TLR10: variants seen among roughly 807,000 people sequenced by gnomAD.
TLR10 encodes the protein toll like receptor 10.
For missense variants in TLR10, 929 were observed against 932.9 expected (o/e 1.00, Z 0.05); for synonymous variants, 288 against 338.8 (o/e 0.85, Z 1.65).
rs1485854576 is a variant in TLR10, at chr4:38,772,612, A to G, written c.*543T>C. 1 of 129,574 alleles carries G rather than the reference A, an allele frequency of 7.7e-6. No individual in the cohort carries two copies. The highest frequency in any genetic ancestry group is 7.9e-5 in the Admixed American group (1 of 12,724). 8.0% of individuals were successfully genotyped at this position (129,574 alleles called of 1,614,324 possible). ...TTTTGTGGCCATGAGGATGTTTTCCATTTTTTTCTTTTTTTTTTTTCTTTT... is the reference window on the plus strand; with the variant it reads ...TTTTGTGGCCATGAGGATGTTTTCCGTTTTTTTCTTTTTTTTTTTTCTTTT... On this transcript the variant is annotated 3_prime_UTR_variant, in exon 4 of 4. Coordinates refer to ENST00000308973, the MANE Select transcript of TLR10 (RefSeq NM_030956.4).
intron 1 of TLR10, among the ~76,000 whole-genome samples, chr4:38,782,385 T>C (rs977474876): frequency 1.3e-5 from 2 of 152,212 alleles, no homozygotes; most frequent in African/African-American, 4.8e-5. Flanking sequence ...AACCAAATGC[T>C]CACAGGTTGT....
chr4:38,773,660 T>A lies in TLR10; in HGVS notation c.1931A>T (p.Asp644Val), dbSNP rs777755158. 1.6e-5 allele frequency: 26 copies of A among 1,610,094 alleles called. No individual in the cohort carries two copies. In the Admixed American group the frequency reaches 3.5e-4, roughly 22 times the overall value. Residue 644 changes from aspartate (D) to valine (V), a missense_variant, in exon 4 of 4, where the codon GAT becomes GTT. Transcript: ENST00000308973. ...CAATTCATTCTTCACCCACAGAGAA[T>A]CATGTTCACTGTATGAAATAAATGC... ...FHAFISYSEHDSLWVKNELIP... is the reference protein window; with the variant it reads ...FHAFISYSEHVSLWVKNELIP...
chr4:38,776,381 T>C lies in TLR10; in HGVS notation c.-523A>G, dbSNP rs916005576. ...TGTTGTTAGACAACTATAAATGTCTTAACTTCTTGTTGAATTCAAAGGTCT... is the reference window on the plus strand; with the variant it reads ...TGTTGTTAGACAACTATAAATGTCTCAACTTCTTGTTGAATTCAAAGGTCT... On this transcript the variant is annotated 5_prime_UTR_variant, in exon 2 of 4. Transcript: ENST00000308973. 1.1e-5 allele frequency: 2 copies of C among 175,110 alleles called. No individual in the cohort carries two copies. Among genetic ancestry groups the C allele is most frequent in the African/African-American group, 4.8e-5 (2 of 41,780 alleles). The allele number at this position is 175,110 out of a possible 1,614,324, so 10.8% of individuals were successfully genotyped here.
Position 38,773,121 on chromosome 4 carries a change from A to G in TLR10, c.*34T>C, listed in dbSNP as rs111290546. On this transcript the variant is annotated 3_prime_UTR_variant, in exon 4 of 4. Transcript: ENST00000308973. ...GTATCAATGTACATCCCAACAGTGT[A>G]TGTGGTCCCCAACTTCCCAAGGACT... 2.4e-4 allele frequency: 364 copies of G among 1,499,938 alleles called. 1 individual carries two copies. The African/African-American group carries it at 4.8e-3, about 20-fold the overall frequency. The allele number at this position is 1,499,938 out of a possible 1,614,324, so 92.9% of individuals were successfully genotyped here.
chr4:38,779,257 A>C (rs572869524), intron 1 of TLR10, among the ~76,000 whole-genome samples: 2 of 152,228 alleles, frequency 1.3e-5, no homozygotes, highest in Non-Finnish European at 2.9e-5. Flanking sequence ...TTTATATTTC[A>C]TAAACTATTG....
In TLR10 at chr4:38,775,273, G is replaced by A. The variant is rs754533735; in HGVS notation, c.318C>T (p.Asn106=). 2 of 1,614,004 alleles carry A rather than the reference G, an allele frequency of 1.2e-6. No individual in the cohort carries two copies. The highest frequency in any genetic ancestry group is 1.1e-5 in the South Asian group (1 of 91,066). Residue 106 remains asparagine, a synonymous_variant, in exon 4 of 4, where the codon AAC becomes AAT. Transcript: ENST00000308973. ...AATACCAAGTTACACTCTTCAGTCT[G>A]TTATTAGACAAATCTAAATATCTTA... ...KELRYLDLSN[N]RLKSVTWYLL... is the part of the protein sequence containing the mutation.
At position 38,774,446 on chromosome 4, in the gene TLR10, T is replaced by C; in HGVS notation, c.1145A>G (p.Asn382Ser). Residue 382 changes from asparagine to serine, a missense_variant, in exon 4 of 4, where the codon AAT becomes AGT. Asn to Ser is a conservative substitution (Grantham distance 46). Transcript: ENST00000308973. Reference sequence around the variant, plus strand: ...TACTAAAGAAAGTGTCTCCAGTTTATTGCCATTCAAAATGAGAGTTTTCAA... The same window carrying C: ...TACTAAAGAAAGTGTCTCCAGTTTACTGCCATTCAAAATGAGAGTTTTCAA... Reference protein sequence around the residue: ...PHLKTLILNGNKLETLSLVSC... With the variant: ...PHLKTLILNGSKLETLSLVSC... 2 of 1,612,566 alleles carry C rather than the reference T, an allele frequency of 1.2e-6. No homozygotes were observed. Among genetic ancestry groups the C allele is most frequent in the East Asian group, 2.2e-5 (1 of 44,862 alleles).
At chr4:38,777,632 G>T (rs1411816034) in intron 1 of TLR10, among the ~76,000 whole-genome samples, 1 of 152,114 alleles carries the variant, frequency 6.6e-6, no homozygotes, top group Admixed American at 6.5e-5. Context: ...TCAAAAAGTG[G>T]GTGAAGGATA....
In TLR10 at chr4:38,772,330, T is replaced by C. The variant is rs899370956; in HGVS notation, c.*825A>G. On this transcript the variant is annotated 3_prime_UTR_variant, in exon 4 of 4. Coordinates refer to ENST00000308973, the MANE Select transcript of TLR10 (RefSeq NM_030956.4). Reference sequence around the variant, plus strand: ...TCAAACATTATAGAAATACACAACATAGAAATCAAATGCTCCCTGTAATCC... The same window carrying C: ...TCAAACATTATAGAAATACACAACACAGAAATCAAATGCTCCCTGTAATCC... 2.6e-5 allele frequency: 4 copies of C among 152,110 alleles called. No individual in the cohort carries two copies. The highest frequency in any genetic ancestry group is 9.7e-5 in the African/African-American group (4 of 41,418). 9.4% of individuals were successfully genotyped at this position (152,110 alleles called of 1,614,324 possible).
In TLR10 at chr4:38,774,820, G is replaced by T. The variant is rs142915965; in HGVS notation, c.771C>A (p.Asp257Glu). The T allele has an allele frequency of 1.9e-6, 3 of 1,593,510 alleles. No homozygotes were observed. Among genetic ancestry groups the T allele is most frequent in the Non-Finnish European group, 2.6e-6 (3 of 1,172,110 alleles). ...LLLNKVDLLWDDLFLILQFVW... is the reference protein window; with the variant it reads ...LLLNKVDLLWEDLFLILQFVW... ...CAAATTGTAAGATAAGGAAAAGGTC[G>T]TCCCAGAGTAAATCAACTTTATTAA... The change falls in exon 4 of 4, where the codon GAC becomes GAA. Residue 257 changes from aspartate (D) to glutamate (E), a missense_variant. Coordinates refer to ENST00000308973, the MANE Select transcript of TLR10 (RefSeq NM_030956.4).
Position 38,773,525 on chromosome 4 carries a change from CT to C in TLR10, c.2065del (p.Ser689AlafsTer37). 6.2e-7 allele frequency: 1 copy of C among 1,611,568 alleles called. No homozygotes were observed. The highest frequency in any genetic ancestry group is 8.5e-7 in the Non-Finnish European group (1 of 1,178,974). On this transcript the variant is annotated frameshift_variant, in exon 4 of 4. Coordinates refer to ENST00000308973, the MANE Select transcript of TLR10 (RefSeq NM_030956.4). LOFTEE classifies it low-confidence loss of function (END_TRUNC). ...SENIVSFIEKSYKSIFVLSPN... is the reference protein window; with the variant it reads ...SENIVSFIEKXYKSIFVLSPN... ...AGACAAAACAAAGATGGACTTATAG[CT>C]TTTCTCAATGAAGCTTACAATATTT... is the stretch of plus-strand genomic sequence containing the variant.
rs769748343 is a variant in TLR10, at chr4:38,775,535, C to T, written c.56G>A (p.Gly19Asp). 2 of 1,613,952 alleles carry T rather than the reference C, an allele frequency of 1.2e-6. No homozygotes were observed. The highest frequency in any genetic ancestry group is 2.2e-5 in the South Asian group (2 of 91,058). The change falls in exon 4 of 4, where the codon GGT becomes GAT. Residue 19 changes from glycine (G) to aspartate (D), a missense_variant. By Grantham distance (94) the Gly-to-Asp change is moderately conservative (BLOSUM62 -1). Transcript: ENST00000308973. ...TTCTTCTGGCAGCTCTGGAGCATCA[C>T]CCTCTGCTGTCATAACAATACTACA... Reference protein sequence around the residue: ...IFCSIVMTAEGDAPELPEERE... With the variant: ...IFCSIVMTAEDDAPELPEERE...
intron 1 of TLR10, among the ~76,000 whole-genome samples, chr4:38,781,834 C>T (rs1191598824): frequency 6.6e-6 from 1 of 152,178 alleles, no homozygotes; most frequent in Non-Finnish European, 1.5e-5. Context: ...TTCAGTATTT[C>T]CTACGTGTCT....
rs1724807008 is a variant in TLR10 at position 38,773,750 on chromosome 4, G to T, written c.1841C>A (p.Thr614Lys). 1.2e-6 allele frequency: 2 copies of T among 1,613,316 alleles called. No homozygotes were observed. Among genetic ancestry groups the T allele is most frequent in the African/African-American group, 2.7e-5 (2 of 74,910 alleles). ...PWYLRMLGQCTQTWHRVRKTT... is the reference protein window; with the variant it reads ...PWYLRMLGQCKQTWHRVRKTT... ...TTTCCTAACCCTGTGCCATGTTTGTGTGCATTGACCTAGCATCCTGAGATA... is the reference window on the plus strand; with the variant it reads ...TTTCCTAACCCTGTGCCATGTTTGTTTGCATTGACCTAGCATCCTGAGATA... The change falls in exon 4 of 4, where the codon ACA becomes AAA. Residue 614 changes from threonine (T) to lysine (K), a missense_variant. Thr to Lys is a moderately conservative substitution (Grantham distance 78). Transcript: ENST00000308973.
At chr4:38,780,500 CATTT>C (rs1482018815) in intron 1 of TLR10, among the ~76,000 whole-genome samples, 6 of 152,072 alleles carry the variant, frequency 3.9e-5, no homozygotes, top group African/African-American at 1.4e-4. Flanking sequence ...GTACTCGGAC[CATTT>C]ATTTAATCTC....
intron 1 of TLR10, among the ~76,000 whole-genome samples, chr4:38,777,367 T>C (rs921861409): frequency 6.6e-6 from 1 of 151,320 alleles, no homozygotes; most frequent in Non-Finnish European, 1.5e-5. Flanking sequence ...AGACCTGGAG[T>C]GGAGTTAGGG....
At position 38,775,586 on chromosome 4, in the gene TLR10, C is replaced by G. The variant is rs756647132; in HGVS notation, c.5G>C (p.Arg2Thr). The G allele has an allele frequency of 1.9e-6, 3 of 1,596,144 alleles. No homozygotes were observed. In the South Asian group the frequency reaches 3.4e-5, roughly 18 times the overall value. ...AAATATGTAAATGTTTCTGATGAGTCTCATTGTATTTCCAAGGATTTTACC... is the reference window on the plus strand; with the variant it reads ...AAATATGTAAATGTTTCTGATGAGTGTCATTGTATTTCCAAGGATTTTACC... The part of the protein sequence containing the change: M[R>T]LIRNIYIFCS... The change falls in exon 4 of 4, where the codon AGA becomes ACA. Residue 2 changes from arginine (R) to threonine (T), a missense_variant. Physicochemically the swap from Arg to Thr is moderately conservative, Grantham distance 71. Transcript: ENST00000308973.
Position 38,773,234 on chromosome 4 carries a change from T to C in TLR10, c.2357A>G (p.Tyr786Cys), listed in dbSNP as rs371513550. Residue 786 changes from tyrosine (Y) to cysteine (C), a missense_variant, in exon 4 of 4, where the codon TAT becomes TGT. Coordinates refer to ENST00000308973, the MANE Select transcript of TLR10 (RefSeq NM_030956.4). The part of the protein sequence containing the change: ...NVNVLATREM[Y>C]ELQTFTELNE... ...TAACTCTGTGAATGTCTGCAGTTCATACATTTCTCTGGTGGCTAATACATT... is the reference window on the plus strand; with the variant it reads ...TAACTCTGTGAATGTCTGCAGTTCACACATTTCTCTGGTGGCTAATACATT... 3 of 1,602,470 alleles carry C rather than the reference T, an allele frequency of 1.9e-6. No homozygotes were observed. The highest frequency in any genetic ancestry group is 2.6e-6 in the Non-Finnish European group (3 of 1,175,910).
In TLR10 at chr4:38,773,289, A is replaced by G. The variant is rs1290393422; in HGVS notation, c.2302T>C (p.Trp768Arg). 6.2e-7 allele frequency: 1 copy of G among 1,612,492 alleles called. No homozygotes were observed. The highest frequency in any genetic ancestry group is 8.5e-7 in the Non-Finnish European group (1 of 1,179,578). ...PKDRRKCGLF[W>R]ANLRAAINVN... ...TTAATAGCAGCTCGAAGGTTTGCCC[A>G]GAAAAGCCCACATTTACGCCTATCC... The change falls in exon 4 of 4, where the codon TGG becomes CGG. Residue 768 changes from tryptophan (W) to arginine (R), a missense_variant. Physicochemically the swap from Trp to Arg is moderately radical, Grantham distance 101. Coordinates refer to ENST00000308973, the MANE Select transcript of TLR10 (RefSeq NM_030956.4).
Sources: gnomAD v4.1 joint callset for allele counts (sites outside exome capture counted in the v4.1 genomes callset) on GRCh38, gnomAD v4.1.1 for gene constraint, MANE v1.5 for transcripts, NCBI Gene and HGNC (gene_info 2026-07-23, HGNC 2026-07-21) for gene names.